SCN2A: variants seen among roughly 807,000 people sequenced by gnomAD.
SCN2A encodes sodium voltage-gated channel alpha subunit 2.
SCN2A carries 20 observed loss-of-function variants against 188.7 expected under a neutral mutation model. The ratio of observed to expected loss-of-function variants is 0.11; its 90% CI spans 0.07 to 0.15. The LOEUF (loss-of-function observed/expected upper bound fraction) is 0.15. SCN2A is among the 10% of genes least tolerant of loss of function. The pLI, the probability that SCN2A is intolerant of heterozygous loss-of-function variation, is 1.00. For missense variants in SCN2A, 1,278 were observed against 2,445.0 expected (o/e 0.52, Z 10.07); for synonymous variants, 804 against 833.1 (o/e 0.97, Z 0.60).
intron 16 of SCN2A, among the ~76,000 whole-genome samples, chr2:165,349,092 G>A (rs1429887952): frequency 1.3e-5 from 2 of 152,194 alleles, no homozygotes; most frequent in Non-Finnish European, 2.9e-5. Flanking sequence ...GTGCCATAGG[G>A]TTACATAGAA....
chr2:165,379,830 A>G (rs1484235206), intron 23 of SCN2A, among the ~76,000 whole-genome samples: 1 of 151,670 alleles, frequency 6.6e-6, no homozygotes, highest in Non-Finnish European at 1.5e-5. Flanking sequence ...TGGTTAACTG[A>G]GTTGGTTAGA....
At chr2:165,300,144 A>G (rs1696725189) in intron 3 of SCN2A, among the ~76,000 whole-genome samples, 2 of 152,210 alleles carry the variant, frequency 1.3e-5, no homozygotes, top group Non-Finnish European at 2.9e-5. Context: ...AAAATAATCT[A>G]TGTTCCTAAA....
At chr2:165,375,912 T>G (rs1022284188) in intron 22 of SCN2A, among the ~76,000 whole-genome samples, 2 of 151,756 alleles carry the variant, frequency 1.3e-5, no homozygotes, top group East Asian at 1.9e-4. Flanking sequence ...TATACAACAT[T>G]GATTCACCTG....
chr2:165,366,717 CA>C (rs10680037), intron 18 of SCN2A, among the ~76,000 whole-genome samples: 6 of 125,480 alleles, frequency 4.8e-5, no homozygotes, highest in African/African-American at 9.2e-5. Flanking sequence ...GACTCCCTCT[CA>C]AAAAAAAAAA....
intron 20 of SCN2A, chr2:165,373,005 T>C (rs1485955481): frequency 1.8e-5 from 9 of 490,360 alleles, no homozygotes; most frequent in Non-Finnish European, 3.3e-5. Flanking sequence ...CAGACTAGTA[T>C]CATTAACTTC....
chr2:165,385,050 T>A (rs1226309714), intron 25 of SCN2A, among the ~76,000 whole-genome samples: 1 of 151,942 alleles, frequency 6.6e-6, no homozygotes, highest in African/African-American at 2.4e-5. Flanking sequence ...CCAGCTGGAG[T>A]AATAGAAATC....
At chr2:165,333,444 A>G (rs1421813343) in intron 14 of SCN2A, among the ~76,000 whole-genome samples, 2 of 151,958 alleles carry the variant, frequency 1.3e-5, no homozygotes, top group Admixed American at 6.6e-5. Flanking sequence ...TTAAAATAAT[A>G]CAGAATATTT....
intron 1 of SCN2A, among the ~76,000 whole-genome samples, chr2:165,275,761 G>A (rs1030787553): frequency 1.3e-5 from 2 of 151,872 alleles, no homozygotes; most frequent in African/African-American, 4.8e-5. Context: ...CCAAGACAGA[G>A]TCTTGCTCTG....
rs1057522529 is a variant in SCN2A at position 165,313,623 on chromosome 2, G to A, written c.1038G>A (p.Gln346=). ...CTTTCCTCTAACCTAATTATAGCCA[G>A]TGTCCTGAAGGATACATCTGTGTGA... ...LLCGNSSDAG[Q]CPEGYICVKA... The change falls in exon 9 of 27, where the codon CAG becomes CAA. Residue 346 remains glutamine (Q), a synonymous_variant. Transcript: ENST00000375437. 1 of 1,613,298 alleles carries A rather than the reference G, an allele frequency of 6.2e-7. No homozygotes were observed. The highest frequency in any genetic ancestry group is 1.3e-5 in the African/African-American group (1 of 74,884).
intron 11 of SCN2A, 57 bp from the exon 12 acceptor site, chr2:165,323,099 A>G: frequency 1.3e-6 from 2 of 1,497,804 alleles, no homozygotes; most frequent in East Asian, 2.3e-5. Context: ...TGTTTTTCAG[A>G]ATGCCAGCTC....
intron 3 of SCN2A, among the ~76,000 whole-genome samples, chr2:165,305,227 G>A (rs1042615345): frequency 2.6e-5 from 4 of 152,172 alleles, no homozygotes; most frequent in African/African-American, 4.8e-5. Context: ...ACACAGAGAC[G>A]TCAAAGGAGT....
At chr2:165,257,422 A>G (rs539666243) in intron 1 of SCN2A, among the ~76,000 whole-genome samples, 3 of 152,330 alleles carry the variant, frequency 2.0e-5, no homozygotes, top group East Asian at 1.9e-4. Flanking sequence ...TTCCTAGTCT[A>G]TAAGAGACTT....
intron 17 of SCN2A, among the ~76,000 whole-genome samples, chr2:165,360,650 T>C (rs1224803805): frequency 6.6e-6 from 1 of 151,980 alleles, no homozygotes; most frequent in Non-Finnish European, 1.5e-5. Context: ...GTTATTGTCC[T>C]GGCATCCTTA....
intron 1 of SCN2A, chr2:165,269,567 C>T (rs1289218099): frequency 2.6e-5 from 4 of 151,996 alleles, no homozygotes; most frequent in South Asian, 2.1e-4. Flanking sequence ...GAAATATACA[C>T]GTAAAACACT....
chr2:165,283,763 G>A (rs1398818495), intron 1 of SCN2A, among the ~76,000 whole-genome samples: 2 of 152,042 alleles, frequency 1.3e-5, no homozygotes, highest in Non-Finnish European at 2.9e-5. Context: ...TCTTACCCTG[G>A]GGGAGAAATG....
intron 16 of SCN2A, among the ~76,000 whole-genome samples, chr2:165,352,049 T>C (rs931413162): frequency 1.5e-4 from 23 of 152,040 alleles, no homozygotes; most frequent in East Asian, 1.9e-4. Context: ...TGGGGAAGGA[T>C]TGATGGATGT....
chr2:165,382,442 T>C (rs1305659324), intron 25 of SCN2A, among the ~76,000 whole-genome samples: 1 of 152,038 alleles, frequency 6.6e-6, no homozygotes, highest in Non-Finnish European at 1.5e-5. Flanking sequence ...TAGTCCATAA[T>C]CTGTGTCCAA....
At chr2:165,359,113 A>G (rs149338956) in intron 17 of SCN2A, among the ~76,000 whole-genome samples, 6 of 152,140 alleles carry the variant, frequency 3.9e-5, no homozygotes, top group African/African-American at 1.2e-4. Context: ...GCATTCTTTT[A>G]TACTTTGGAA....
chr2:165,294,537 G>A (rs56867515), intron 1 of SCN2A, among the ~76,000 whole-genome samples: 1 of 152,234 alleles, frequency 6.6e-6, no homozygotes, highest in Non-Finnish European at 1.5e-5. Context: ...GTATGCTGCA[G>A]AAGTGAACTG....
Sources: gnomAD v4.1 joint callset for allele counts (sites outside exome capture counted in the v4.1 genomes callset) on GRCh38, gnomAD v4.1.1 for gene constraint, MANE v1.5 for transcripts, NCBI Gene and HGNC (gene_info 2026-07-23, HGNC 2026-07-21) for gene names.